The following DCDC2 variants were observed in gnomAD, a reference collection of about 807,000 sequenced individuals.
DCDC2 encodes doublecortin domain-containing protein 2.
DCDC2 carries 40 observed loss-of-function variants against 50.2 expected under a neutral mutation model. That is an observed-to-expected ratio of 0.80 (90% CI 0.62 to 1.04). The LOEUF is 1.04. Ranked by LOEUF, DCDC2 falls within the 50% of genes least tolerant of loss-of-function variation. The pLI, the probability that DCDC2 is intolerant of heterozygous loss-of-function variation, is 0.00. For synonymous variants in DCDC2, 234 were observed against 210.6 expected (o/e 1.11, Z -0.96); for missense variants, 570 against 581.9 (o/e 0.98, Z 0.21).
At chr6:24,243,096 C>T (rs142505977) in intron 7 of DCDC2, among the ~76,000 whole-genome samples, 30 of 152,310 alleles carry the variant, frequency 2.0e-4, no homozygotes, top group African/African-American at 6.3e-4. Context: ...TCTGTCCAAA[C>T]ACACCAGTGA....
chr6:24,294,021 C>G (rs1023634825), intron 4 of DCDC2, among the ~76,000 whole-genome samples: 3 of 152,280 alleles, frequency 2.0e-5, no homozygotes, highest in African/African-American at 7.2e-5. Flanking sequence ...TGAGACATAG[C>G]TAAGGCTGTG....
intron 2 of DCDC2, among the ~76,000 whole-genome samples, chr6:24,315,084 T>C (rs1170592455): frequency 1.3e-5 from 2 of 152,106 alleles, no homozygotes; most frequent in East Asian, 3.8e-4. Context: ...TATACCTCTC[T>C]GATAGATATA....
intron 7 of DCDC2, among the ~76,000 whole-genome samples, chr6:24,207,193 C>G (rs551287439): frequency 4.6e-4 from 69 of 150,868 alleles, no homozygotes; most frequent in Non-Finnish European, 9.6e-4. Flanking sequence ...ATCTCATGAC[C>G]CAGAGACAGC....
rs1268284563 is a variant in DCDC2 at position 24,357,796 on chromosome 6, G to A, written c.-46C>T. 5 of 1,611,442 alleles carry A rather than the reference G, an allele frequency of 3.1e-6. No homozygotes were observed. Among genetic ancestry groups the A allele is most frequent in the African/African-American group, 1.3e-5 (1 of 74,910 alleles). On this transcript the variant is annotated 5_prime_UTR_variant, in exon 1 of 10. Coordinates refer to ENST00000378454, the MANE Select transcript of DCDC2 (RefSeq NM_016356.5). The stretch of plus-strand genomic sequence containing the variant: ...TCAGCTCGCTGCTTCGCGTCGGGAG[G>A]CACCTCCGCTGTCCCAGCGGCCTCA...
the DCDC2 span, among the ~76,000 whole-genome samples, chr6:24,380,126 A>C: frequency 1.3e-5 from 2 of 152,110 alleles, no homozygotes; most frequent in African/African-American, 4.8e-5. Context: ...CCAACATGGC[A>C]CATGTATACC....
intron 8 of DCDC2, among the ~76,000 whole-genome samples, chr6:24,192,990 TA>T (rs1230208514): frequency 1.3e-5 from 2 of 151,834 alleles, no homozygotes; most frequent in Non-Finnish European, 2.9e-5. Flanking sequence ...GAAAATAGTC[TA>T]AAAGCCTTCA....
intron 2 of DCDC2, among the ~76,000 whole-genome samples, chr6:24,332,796 CACAA>C (rs1174827187): frequency 3.8e-4 from 58 of 152,146 alleles, no homozygotes; most frequent in Non-Finnish European, 7.3e-4. Flanking sequence ...TCATTAAATA[CACAA>C]ACACACACAC....
chr6:24,278,487 A>T (rs1483357706), intron 6 of DCDC2, among the ~76,000 whole-genome samples: 1 of 152,238 alleles, frequency 6.6e-6, no homozygotes, highest in Non-Finnish European at 1.5e-5. Context: ...CTCAATCCTC[A>T]TGCTAGCCCT....
At chr6:24,247,514 T>C (rs73394043) in intron 7 of DCDC2, among the ~76,000 whole-genome samples, 6,794 of 151,864 alleles carry the variant, frequency 0.045, 495 homozygotes, top group African/African-American at 0.15. Context: ...AGAGATGGAG[T>C]ACACTGAAGA....
chr6:24,183,621 A>G (rs1761130604), intron 8 of DCDC2, among the ~76,000 whole-genome samples: 1 of 152,166 alleles, frequency 6.6e-6, no homozygotes, highest in Non-Finnish European at 1.5e-5. Context: ...AGAATAACAT[A>G]CATGGTCATT....
At chr6:24,377,043 C>A in the DCDC2 span, among the ~76,000 whole-genome samples, 1 of 152,164 alleles carries the variant, frequency 6.6e-6, no homozygotes, top group Non-Finnish European at 1.5e-5. Context: ...ATTTAACTAG[C>A]CATCTGGAGG....
At chr6:24,182,922 A>G (rs1050333033) in intron 8 of DCDC2, among the ~76,000 whole-genome samples, 1 of 152,268 alleles carries the variant, frequency 6.6e-6, no homozygotes, top group Admixed American at 6.5e-5. Context: ...TCAAAAGATG[A>G]GTGGATAATC....
At chr6:24,302,187 TA>T in intron 2 of DCDC2, 143 bp from the exon 3 acceptor site, 1 of 664,808 alleles carries the variant, frequency 1.5e-6, no homozygotes, top group East Asian at 2.8e-5. Context: ...AGCATTTCTG[TA>T]AACTCTGAGC....
the DCDC2 span, among the ~76,000 whole-genome samples, chr6:24,376,773 G>GA: frequency 6.7e-5 from 5 of 74,232 alleles, no homozygotes; most frequent in African/African-American, 1.7e-4. Flanking sequence ...AATAATGCTA[G>GA]AAAAAAAAAG....
chr6:24,178,672 A>C (rs750735709), intron 8 of DCDC2, 40 bp from the exon 9 acceptor site: 1 of 1,556,158 alleles, frequency 6.4e-7, no homozygotes. Flanking sequence ...AGTAAGAAGC[A>C]TAACAGAACA....
chr6:24,238,195 A>G (rs1581604636), intron 7 of DCDC2, among the ~76,000 whole-genome samples: 1 of 103,980 alleles, frequency 9.6e-6, no homozygotes, highest in Non-Finnish European at 2.0e-5. Flanking sequence ...GGGGGAGGGG[A>G]GGGAGTTCCA....
the DCDC2 span, among the ~76,000 whole-genome samples, chr6:24,372,560 TATA>T: frequency 1.3e-5 from 2 of 152,024 alleles, no homozygotes; most frequent in Non-Finnish European, 2.9e-5. Context: ...ATGTGGCACA[TATA>T]CACCATGGAA....
Position 24,302,003 on chromosome 6 carries a change from G to A in DCDC2, c.390C>T (p.Arg130=), listed in dbSNP as rs1561766503. The A allele has an allele frequency of 6.2e-7, 1 of 1,614,028 alleles. No homozygotes were observed. Among genetic ancestry groups the A allele is most frequent in the South Asian group, 1.1e-5 (1 of 91,084 alleles). Residue 130 remains arginine, a synonymous_variant, in exon 3 of 10, where the codon CGC becomes CGT. Coordinates refer to ENST00000378454, the MANE Select transcript of DCDC2 (RefSeq NM_016356.5). ...VIHSRINVSA[R]FRKPLQEPCT... ...ACGGCTCCTGAAGCGGTTTTCTAAA[G>A]CGAGCTGACACGTTGATCCTGCTAT...
rs1760849862 is a variant in DCDC2 at position 24,174,204 on chromosome 6, G to T, written c.*526C>A. On this transcript the variant is annotated 3_prime_UTR_variant, in exon 10 of 10. Coordinates refer to ENST00000378454, the MANE Select transcript of DCDC2 (RefSeq NM_016356.5). ...AGTTCAAAGGTGGATTTTGGCTAAG[G>T]AGGAAGAAAGAAAGGCATGTTAACA... The T allele has an allele frequency of 6.5e-6, 1 of 152,758 alleles. No homozygotes were observed. The highest frequency in any genetic ancestry group is 1.5e-5 in the Non-Finnish European group (1 of 68,130). The allele number at this position is 152,758 out of a possible 1,614,324, so 9.5% of individuals were successfully genotyped here. A position where few individuals can be genotyped will look rare whatever the true frequency, so the allele number is the denominator to read the frequency against.
Sources: gnomAD v4.1 joint callset for allele counts (sites outside exome capture counted in the v4.1 genomes callset) on GRCh38, gnomAD v4.1.1 for gene constraint, MANE v1.5 for transcripts, NCBI Gene and HGNC (gene_info 2026-07-23, HGNC 2026-07-21) for gene names.